The following SIPA1L3 variants were observed in gnomAD, a reference collection of about 807,000 sequenced individuals.
SIPA1L3 encodes signal-induced proliferation-associated 1-like protein 3.
SIPA1L3 carries 59 observed loss-of-function variants against 150.1 expected under a neutral mutation model. The ratio of observed to expected loss-of-function variants is 0.39; its 90% confidence interval spans 0.32 to 0.49. The LOEUF is 0.49. SIPA1L3 is among the 20% of genes least tolerant of loss of function. The probability of loss-of-function intolerance (pLI) is 0.86; values close to 1 mark genes in which losing one functional copy is unlikely to be tolerated. For synonymous variants in SIPA1L3, 1,070 were observed against 1,077.6 expected (o/e 0.99, Z 0.14); for missense variants, 2,211 against 2,489.5 (o/e 0.89, Z 2.38).
chr19:38,031,056 AAG>A (rs1244075715), intron 2 of SIPA1L3, among the ~76,000 whole-genome samples: 1 of 152,140 alleles, frequency 6.6e-6, no homozygotes, highest in Non-Finnish European at 1.5e-5. Flanking sequence ...TGGGTACCTG[AAG>A]CTTGTGTGTG....
Position 38,101,046 on chromosome 19 carries a change from C to G in SIPA1L3, c.1855-6C>G. The G allele has an allele frequency of 6.5e-7, 1 of 1,544,306 alleles. No individual in the cohort carries two copies. The highest frequency in any genetic ancestry group is 8.7e-7 in the Non-Finnish European group (1 of 1,143,796). ...TGCCTCCACAAAGCCACTCTTGCCT[C>G]TGCAGCTCTGCCGGAAGCACAAGGT... On this transcript the variant is annotated splice_region_variant and splice_polypyrimidine_tract_variant and intron_variant, in intron 5 of 21. Transcript: ENST00000222345.
chr19:37,930,765 C>G (rs1328775439), intron 1 of SIPA1L3, among the ~76,000 whole-genome samples: 1 of 152,168 alleles, frequency 6.6e-6, no homozygotes, highest in East Asian at 1.9e-4. Context: ...GGTAATGGTA[C>G]TGTCCTCCTA....
intron 2 of SIPA1L3, among the ~76,000 whole-genome samples, chr19:38,078,227 G>A (rs568395636): frequency 3.9e-5 from 6 of 152,050 alleles, no homozygotes; most frequent in Non-Finnish European, 8.8e-5. Flanking sequence ...CTTCAGGATC[G>A]TTTGTGTTCT....
chr19:38,150,944 G>T (rs1213217937), intron 12 of SIPA1L3, among the ~76,000 whole-genome samples: 3 of 152,174 alleles, frequency 2.0e-5, no homozygotes, highest in African/African-American at 7.2e-5. Context: ...CTCAAACATT[G>T]TAGGAATTTG....
chr19:38,119,253 G>C, intron 8 of SIPA1L3, 53 bp from the exon 9 acceptor site: 1 of 1,471,542 alleles, frequency 6.8e-7, no homozygotes, highest in Non-Finnish European at 9.3e-7. Context: ...TTTTCTCTCT[G>C]AAGTGTCTTA....
intron 2 of SIPA1L3, among the ~76,000 whole-genome samples, chr19:38,053,560 C>CTT (rs1019175868): frequency 6.9e-6 from 1 of 145,400 alleles, no homozygotes. Context: ...GAAGGAGGTA[C>CTT]TTTTTTTTTT....
chr19:37,994,992 A>G (rs1967599265), intron 1 of SIPA1L3, among the ~76,000 whole-genome samples: 1 of 152,130 alleles, frequency 6.6e-6, no homozygotes, highest in Non-Finnish European at 1.5e-5. Context: ...GGGGTTGGTC[A>G]TTGTGTGGTC....
chr19:38,175,743 A>G (rs1972421850), intron 15 of SIPA1L3, among the ~76,000 whole-genome samples: 1 of 152,158 alleles, frequency 6.6e-6, no homozygotes, highest in South Asian at 2.1e-4. Context: ...AGAGGAGGAA[A>G]CTGAGGCTCA....
intron 2 of SIPA1L3, among the ~76,000 whole-genome samples, chr19:38,045,414 C>T (rs539079772): frequency 6.7e-6 from 1 of 148,244 alleles, no homozygotes; most frequent in African/African-American, 2.5e-5. Flanking sequence ...CACTCAGCCA[C>T]GTAATTTAAC....
At chr19:38,038,588 C>CAAAA (rs34849335) in intron 2 of SIPA1L3, among the ~76,000 whole-genome samples, 1 of 121,736 alleles carries the variant, frequency 8.2e-6, no homozygotes, top group African/African-American at 3.1e-5. Flanking sequence ...GACTCCGTCT[C>CAAAA]AAAAAAAAAA....
intron 1 of SIPA1L3, among the ~76,000 whole-genome samples, chr19:37,978,140 T>C (rs558667142): frequency 3.9e-5 from 6 of 152,174 alleles, no homozygotes; most frequent in Non-Finnish European, 8.8e-5. Context: ...AGACCCAGAG[T>C]TGGGGAGCTG....
At chr19:38,093,878 A>G (rs1018274079) in intron 4 of SIPA1L3, among the ~76,000 whole-genome samples, 1 of 152,222 alleles carries the variant, frequency 6.6e-6, no homozygotes, top group African/African-American at 2.4e-5. Context: ...GAGCCTGGAC[A>G]GGGTGAGCGC....
chr19:37,966,829 G>T (rs1288797729), intron 1 of SIPA1L3, among the ~76,000 whole-genome samples: 1 of 152,176 alleles, frequency 6.6e-6, no homozygotes, highest in Non-Finnish European at 1.5e-5. Context: ...GCGTGGAGGC[G>T]TGGGGGTGGA....
intron 2 of SIPA1L3, among the ~76,000 whole-genome samples, chr19:38,054,388 CTT>C (rs1385806803): frequency 1.3e-5 from 2 of 152,206 alleles, no homozygotes; most frequent in African/African-American, 4.8e-5. Context: ...AGGCGGATCA[CTT>C]GACGTCAGAA....
At chr19:37,992,221 C>T (rs1015901068) in intron 1 of SIPA1L3, among the ~76,000 whole-genome samples, 12 of 152,280 alleles carry the variant, frequency 7.9e-5, no homozygotes, top group Middle Eastern at 6.8e-3. Context: ...TGAGTAGGTA[C>T]CTGGGGAGTA....
intron 16 of SIPA1L3, chr19:38,185,454 C>T (rs1168565935): frequency 1.3e-5 from 2 of 152,218 alleles, no homozygotes; most frequent in East Asian, 1.9e-4. Context: ...CCCCCCAACC[C>T]GCACCCCCAC....
chr19:38,085,479 CAAA>C (rs1169340957), intron 3 of SIPA1L3, among the ~76,000 whole-genome samples: 1 of 66,120 alleles, frequency 1.5e-5, no homozygotes, highest in Non-Finnish European at 3.6e-5. Context: ...GACTCCGTCT[CAAA>C]AAAAAAAAAA....
intron 1 of SIPA1L3, among the ~76,000 whole-genome samples, chr19:38,011,813 G>A (rs1179012974): frequency 2.0e-5 from 3 of 152,180 alleles, no homozygotes; most frequent in Admixed American, 2.0e-4. Context: ...AGGTGGCCTG[G>A]GGAGGCCAGA....
chr19:38,083,213 C>G, intron 3 of SIPA1L3, 114 bp downstream of exon 3: 1 of 1,130,810 alleles, frequency 8.8e-7, no homozygotes, highest in Non-Finnish European at 1.3e-6. Context: ...GAGGATGTGG[C>G]GGGAACAGAG....
Sources: gnomAD v4.1 joint callset for allele counts (sites outside exome capture counted in the v4.1 genomes callset) on GRCh38, gnomAD v4.1.1 for gene constraint, MANE v1.5 for transcripts, NCBI Gene and HGNC (gene_info 2026-07-23, HGNC 2026-07-21) for gene names.